The following KIF19 variants were observed in gnomAD, a reference collection of about 807,000 sequenced individuals.
The protein encoded by KIF19 is kinesin family member 19.
A neutral mutation model predicts 106.6 loss-of-function variants in KIF19; 98 were observed. That is an observed-to-expected ratio of 0.92 (90% confidence interval 0.78 to 1.09). The LOEUF (loss-of-function observed/expected upper bound fraction) is 1.09, where lower values mean the gene tolerates loss of function less well. Ranked by LOEUF, KIF19 falls within the 50% of genes least tolerant of loss-of-function variation. The pLI, the probability that KIF19 is intolerant of heterozygous loss-of-function variation, is 0.00. For synonymous variants in KIF19, 516 were observed against 584.2 expected (o/e 0.88, Z 1.68); for missense variants, 1,373 against 1,414.3 (o/e 0.97, Z 0.47).
rs541217060 is a variant in KIF19, at chr17:74,345,968, A to G, written c.778-410A>G. ...CTGCAGGCCCAAGAAAAGGAGAAGA[A>G]CCTGCCCTCCACCACCATGCACATG... On this transcript the variant is annotated intron_variant, in intron 7 of 19. Coordinates refer to ENST00000389916, the MANE Select transcript of KIF19 (RefSeq NM_153209.4). Among the ~76,000 whole-genome samples, 3 of 152,222 alleles carry G rather than the reference A, an allele frequency of 2.0e-5. No individual in the cohort carries two copies. In the East Asian group the frequency reaches 5.8e-4, roughly 30 times the overall value.
intron 2 of KIF19, among the ~76,000 whole-genome samples, chr17:74,336,525 G>A (rs935676869): frequency 5.9e-5 from 9 of 152,092 alleles, no homozygotes; most frequent in Admixed American, 5.2e-4. Flanking sequence ...GATTACACCT[G>A]CAACAACCCC....
chr17:74,349,338 G>A lies in KIF19; in HGVS notation c.1202G>A (p.Arg401His), dbSNP rs762851827. The change falls in exon 10 of 20, where the codon CGC (arginine) becomes CAC (histidine). Residue 401 changes from arginine (R) to histidine (H), a missense_variant. By Grantham distance (29) the Arg-to-His change is conservative. Around this residue, in one of 3 missense-constraint regions of KIF19, gnomAD observed 1,020 missense variants for 1,008.2 expected, o/e 1.01. Coordinates refer to ENST00000389916, the MANE Select transcript of KIF19 (RefSeq NM_153209.4). ...ARGRQDRGDI[R>H]HIQAEVQLHS... ...GGCCGGCAGGATCGGGGTGACATCC[G>A]CCACATCCAAGGTGCGCCTGTGGGT... The A allele has an allele frequency of 4.4e-6, 7 of 1,601,164 alleles. No homozygotes were observed. In the African/African-American group the frequency reaches 6.7e-5, roughly 15 times the overall value.
At position 74,341,732 on chromosome 17, in the gene KIF19, G is replaced by A. The variant is rs563611054; in HGVS notation, c.121-144G>A. On this transcript the variant is annotated intron_variant, in intron 2 of 19. Coordinates refer to ENST00000389916, the MANE Select transcript of KIF19 (RefSeq NM_153209.4). ...CCATCTCTTGCCCACATCCTGAGGC[G>A]ACGAGGGCTAGATTCAGAGCCCAGA... 32 of 642,072 alleles carry A rather than the reference G, an allele frequency of 5.0e-5. 1 individual carries two copies. Among genetic ancestry groups the A allele is most frequent in the Admixed American group, 4.3e-4 (17 of 39,710 alleles). 39.8% of individuals were successfully genotyped at this position (642,072 alleles called of 1,614,324 possible).
Position 74,355,410 on chromosome 17 carries a change from A to G in KIF19, c.*98A>G, listed in dbSNP as rs1302520964. 1 of 1,406,574 alleles carries G rather than the reference A, an allele frequency of 7.1e-7. No individual in the cohort carries two copies. Among genetic ancestry groups the G allele is most frequent in the Non-Finnish European group, 9.4e-7 (1 of 1,066,094 alleles). 87.1% of individuals were successfully genotyped at this position (1,406,574 alleles called of 1,614,324 possible). A position where few individuals can be genotyped will look rare whatever the true frequency, so the allele number is the denominator to read the frequency against. On this transcript the variant is annotated 3_prime_UTR_variant, in exon 20 of 20. Coordinates refer to ENST00000389916, the MANE Select transcript of KIF19 (RefSeq NM_153209.4). ...GCTGGGCAGATGGAGATGACCAGGA[A>G]GTAAGCTCAGGATCTCAGCAGGCCA...
At chr17:74,348,043 CA>C in intron 9 of KIF19, 144 bp downstream of exon 9, 1 of 1,052,770 alleles carries the variant, frequency 9.5e-7, no homozygotes, top group Non-Finnish European at 1.3e-6. Context: ...GTCACCTGTA[CA>C]CTTTCCCTGC....
rs144705601 is a variant in KIF19 at position 74,350,727 on chromosome 17, G to T, written c.1409G>T (p.Arg470Leu). The T allele has an allele frequency of 6.2e-7, 1 of 1,613,884 alleles. No individual in the cohort carries two copies. ...TIAGWKHEKSRRALKWREEQR... is the reference protein window; with the variant it reads ...TIAGWKHEKSLRALKWREEQR... The stretch of plus-strand genomic sequence containing the variant: ...GGCAGCTGGAAGCATGAGAAGTCCC[G>T]CCGGGCCCTCAAATGGCGGGAGGAG... The change falls in exon 12 of 20, where the codon CGC (arginine) becomes CTC (leucine). Residue 470 changes from arginine to leucine, a missense_variant. By Grantham distance (102) the Arg-to-Leu change is moderately radical. This residue lies in a region of KIF19 where 1,020 missense variants were observed against 1,008.2 expected (regional missense o/e 1.01). Transcript: ENST00000389916.
At chr17:74,334,843 G>C (rs992973228) in intron 2 of KIF19, among the ~76,000 whole-genome samples, 1 of 152,218 alleles carries the variant, frequency 6.6e-6, no homozygotes, top group Non-Finnish European at 1.5e-5. Flanking sequence ...TGAAGGGGCT[G>C]TGGCCTGGCT....
chr17:74,348,493 T>G (rs1461955568), intron 9 of KIF19: 1 of 160,092 alleles, frequency 6.2e-6, no homozygotes, highest in Non-Finnish European at 1.4e-5. Flanking sequence ...CACCTGTTCG[T>G]GTGTGGAGGA....
In KIF19 at chr17:74,355,173, C is replaced by G. The variant is rs2054844600; in HGVS notation, c.2867-9C>G. The stretch of plus-strand genomic sequence containing the variant: ...GAAACCACTGATCCTGCCCCTTTCC[C>G]TGTTGCAGGCCCGGGGGACTCCTCA... On this transcript the variant is annotated splice_polypyrimidine_tract_variant and intron_variant, in intron 19 of 19. Coordinates refer to ENST00000389916, the MANE Select transcript of KIF19 (RefSeq NM_153209.4). 6.3e-7 allele frequency: 1 copy of G among 1,585,854 alleles called. No homozygotes were observed.
At chr17:74,341,146 C>A (rs1177497148) in intron 2 of KIF19, among the ~76,000 whole-genome samples, 4 of 152,130 alleles carry the variant, frequency 2.6e-5, no homozygotes, top group Middle Eastern at 6.8e-3. Context: ...ACCAGCCTGG[C>A]CAACATGGAG....
At chr17:74,349,952 C>T (rs2054649594) in intron 10 of KIF19, among the ~76,000 whole-genome samples, 1 of 152,108 alleles carries the variant, frequency 6.6e-6, no homozygotes, top group Non-Finnish European at 1.5e-5. Flanking sequence ...GTGCCCGCCA[C>T]CACACCTGGC....
At chr17:74,349,053 G>A in intron 9 of KIF19, 131 bp from the exon 10 acceptor site, 1 of 823,350 alleles carries the variant, frequency 1.2e-6, no homozygotes, top group African/African-American at 1.7e-5. Flanking sequence ...TGTGGAAGTG[G>A]AGGAAAGGAG....
intron 1 of KIF19, among the ~76,000 whole-genome samples, chr17:74,327,469 T>C (rs973681903): frequency 6.6e-6 from 1 of 152,090 alleles, no homozygotes; most frequent in East Asian, 1.9e-4. Flanking sequence ...GAAAGTGCCT[T>C]TTGTTTTGTT....
Position 74,343,012 on chromosome 17 carries a change from G to A in KIF19, c.320-12G>A. ...CCCCACCCCGGTCACCCTCCACCTTGTTCTGCCCCAGGCTGTGGGAAAACC... is the reference window on the plus strand; with the variant it reads ...CCCCACCCCGGTCACCCTCCACCTTATTCTGCCCCAGGCTGTGGGAAAACC... On this transcript the variant is annotated splice_polypyrimidine_tract_variant and intron_variant, in intron 4 of 19. Coordinates refer to ENST00000389916, the MANE Select transcript of KIF19 (RefSeq NM_153209.4). The A allele has an allele frequency of 6.5e-7, 1 of 1,537,844 alleles. No individual in the cohort carries two copies. Among genetic ancestry groups the A allele is most frequent in the Non-Finnish European group, 8.9e-7 (1 of 1,123,610 alleles).
intron 1 of KIF19, among the ~76,000 whole-genome samples, chr17:74,327,193 C>G (rs2053939360): frequency 6.6e-6 from 1 of 152,200 alleles, no homozygotes; most frequent in Non-Finnish European, 1.5e-5. Flanking sequence ...AGTAAGGTAA[C>G]TGGAGGATAA....
Position 74,343,149 on chromosome 17 carries a change from T to A in KIF19, c.445T>A (p.Ser149Thr), listed in dbSNP as rs1262849685. 1 of 1,612,540 alleles carries A rather than the reference T, an allele frequency of 6.2e-7. No homozygotes were observed. The highest frequency in any genetic ancestry group is 2.2e-5 in the East Asian group (1 of 44,870). ...TGACATGGAGTATGAGGTCTCCATG[T>A]CCTACCTGGAGGTGAGTCCCCCAGC... Reference protein sequence around the residue: ...SNDMEYEVSMSYLEIYNEMIR... With the variant: ...SNDMEYEVSMTYLEIYNEMIR... Residue 149 changes from serine to threonine, a missense_variant, in exon 5 of 20, where the codon TCC becomes ACC. Around this residue, in one of 3 missense-constraint regions of KIF19, gnomAD observed 348 missense variants for 389.5 expected, o/e 0.89. Coordinates refer to ENST00000389916, the MANE Select transcript of KIF19 (RefSeq NM_153209.4).
At chr17:74,344,434 C>G in intron 6 of KIF19, 86 bp downstream of exon 6, 18 of 1,533,778 alleles carry the variant, frequency 1.2e-5, no homozygotes, top group Non-Finnish European at 1.6e-5. Flanking sequence ...AGCCAGGGAG[C>G]TGCTCCCCAC....
At position 74,344,341 on chromosome 17, in the gene KIF19, C is replaced by A. The variant is rs1298494489; in HGVS notation, c.575C>A (p.Ala192Asp). 4 of 1,612,252 alleles carry A rather than the reference C, an allele frequency of 2.5e-6. No individual in the cohort carries two copies. The highest frequency in any genetic ancestry group is 1.7e-5 in the Admixed American group (1 of 59,918). The change falls in exon 6 of 20, where the codon GCC becomes GAC. Residue 192 changes from alanine (A) to aspartate (D), a missense_variant. By Grantham distance (126) the Ala-to-Asp change is moderately radical. This residue lies in a region of KIF19 where 348 missense variants were observed against 389.5 expected (regional missense o/e 0.89). Transcript: ENST00000389916. ...ATCACCGAAGTCTCCACCATCAATG[C>A]CAAGGAGGCGAGTTTTGTGTGGCCA... is the stretch of plus-strand genomic sequence containing the variant. ...AGITEVSTINAKEIMQLLMKG... is the reference protein window; with the variant it reads ...AGITEVSTINDKEIMQLLMKG...
In KIF19 at chr17:74,352,123, G is replaced by C. The variant is rs747223220; in HGVS notation, c.1844G>C (p.Arg615Pro). 3 of 1,582,768 alleles carry C rather than the reference G, an allele frequency of 1.9e-6. No homozygotes were observed. The highest frequency in any genetic ancestry group is 2.3e-5 in the South Asian group (2 of 88,134). The change falls in exon 13 of 20, where the codon CGG (arginine) becomes CCG (proline). Residue 615 changes from arginine (R) to proline (P), a missense_variant. Around this residue, in one of 3 missense-constraint regions of KIF19, gnomAD observed 1,020 missense variants for 1,008.2 expected, o/e 1.01. Transcript: ENST00000389916. Reference sequence around the variant, plus strand: ...TGCGACGAGATTATCCAGGGCCAGCGGCAGATCATCGACGGTAGGGCCCAC... The same window carrying C: ...TGCGACGAGATTATCCAGGGCCAGCCGCAGATCATCGACGGTAGGGCCCAC... ...SLCDEIIQGQ[R>P]QIIDDYNLAV... is the part of the protein sequence containing the mutation.
Sources: gnomAD v4.1 joint callset for allele counts (sites outside exome capture counted in the v4.1 genomes callset) on GRCh38, gnomAD v4.1.1 for gene constraint, gnomAD v4.1.1 regional missense constraint, MANE v1.5 for transcripts, NCBI Gene and HGNC (gene_info 2026-07-23, HGNC 2026-07-21) for gene names.